PALM2AKAP2: variants seen among roughly 807,000 people sequenced by gnomAD.
The protein encoded by PALM2AKAP2 is PALM2 and AKAP2 fusion, also known as PALM2-AKAP2 fusion protein.
In PALM2AKAP2, 37 loss-of-function variants were observed where a neutral mutation model predicts 71.5. That is an observed-to-expected ratio of 0.52 (90% CI 0.40 to 0.68). The LOEUF (loss-of-function observed/expected upper bound fraction) is 0.68, where lower values mean the gene tolerates loss of function less well. PALM2AKAP2 is among the 30% of genes least tolerant of loss of function. The probability of loss-of-function intolerance (pLI) is 0.00; values close to 1 mark genes in which losing one functional copy is unlikely to be tolerated. For synonymous variants in PALM2AKAP2, 468 were observed against 478.8 expected, an observed-to-expected ratio of 0.98 and a Z score of 0.29; for missense variants, 1,224 against 1,191.8, an observed-to-expected ratio of 1.03 and a Z score of -0.40.
At position 110,049,909 on chromosome 9, in the gene PALM2AKAP2, C is replaced by T. The variant is rs1044393944; in HGVS notation, c.156+1054C>T. Among the ~76,000 whole-genome samples, 3 of 152,306 alleles carry T rather than the reference C, an allele frequency of 2.0e-5. No individual in the cohort carries two copies. The South Asian group carries it at 6.2e-4, about 32-fold the overall frequency. ...AACGCGGATGCCAGGCGCTCGCCAGCCTGAGGGATCCCTCCTGACCCACAA... is the reference window on the plus strand; with the variant it reads ...AACGCGGATGCCAGGCGCTCGCCAGTCTGAGGGATCCCTCCTGACCCACAA... On this transcript the variant is annotated intron_variant, in intron 1 of 3. Transcript: ENST00000374525.
At chr9:109,920,177 A>G (rs1033003958) in intron 3 of PALM2AKAP2, among the ~76,000 whole-genome samples, 1 of 152,184 alleles carries the variant, frequency 6.6e-6, no homozygotes, top group African/African-American at 2.4e-5. Context: ...CTTGTGTCTT[A>G]TCTGCTCACA....
chr9:109,941,773 T>G (rs34040295), intron 6 of PALM2AKAP2, among the ~76,000 whole-genome samples: 15,131 of 151,946 alleles, frequency 0.1, 923 homozygotes, highest in East Asian at 0.17. Flanking sequence ...CAGCAAGAGT[T>G]GGGATGAATT....
intron 1 of PALM2AKAP2, among the ~76,000 whole-genome samples, chr9:109,671,179 G>T (rs1006249765): frequency 6.6e-6 from 1 of 151,942 alleles, no homozygotes; most frequent in Non-Finnish European, 1.5e-5. Flanking sequence ...TAAAATCTTT[G>T]CCTGTGCCTA....
chr9:109,680,247 G>A (rs1487374920), intron 1 of PALM2AKAP2, among the ~76,000 whole-genome samples: 1 of 152,144 alleles, frequency 6.6e-6, no homozygotes, highest in East Asian at 1.9e-4. Flanking sequence ...TTCTCTGAAC[G>A]AAGCCCGGGC....
At chr9:109,786,120 A>T (rs1033710032) in intron 1 of PALM2AKAP2, among the ~76,000 whole-genome samples, 10 of 152,198 alleles carry the variant, frequency 6.6e-5, no homozygotes, top group African/African-American at 2.4e-4. Context: ...TTTTCGTTGG[A>T]TTCGCCTCTC....
intron 1 of PALM2AKAP2, among the ~76,000 whole-genome samples, chr9:109,837,582 G>A (rs1445525300): frequency 6.6e-6 from 1 of 152,038 alleles, no homozygotes; most frequent in Non-Finnish European, 1.5e-5. Context: ...ACACAGACTG[G>A]CAAATTAGAT....
chr9:109,702,581 G>A (rs931780030), intron 1 of PALM2AKAP2, among the ~76,000 whole-genome samples: 2 of 150,696 alleles, frequency 1.3e-5, no homozygotes, highest in Admixed American at 6.6e-5. Context: ...ATCACACACC[G>A]GGGCCTGTTG....
chr9:110,068,889 AG>A (rs1316409282), intron 1 of PALM2AKAP2, among the ~76,000 whole-genome samples: 1 of 152,226 alleles, frequency 6.6e-6, no homozygotes, highest in Non-Finnish European at 1.5e-5. Flanking sequence ...TGGGTTAACA[AG>A]GTGCCAGAGA....
At chr9:110,038,371 G>T (rs1177171877) in intron 7 of PALM2AKAP2, among the ~76,000 whole-genome samples, 1 of 151,212 alleles carries the variant, frequency 6.6e-6, no homozygotes, top group Non-Finnish European at 1.5e-5. Context: ...AAACAAAAAG[G>T]TCAGAGAGCA....
At chr9:110,096,404 C>T (rs1834837480) in intron 1 of PALM2AKAP2, among the ~76,000 whole-genome samples, 1 of 117,228 alleles carries the variant, frequency 8.5e-6, no homozygotes, top group African/African-American at 4.3e-5. Context: ...GCTGGGACTA[C>T]AGGAATGCAC....
At chr9:109,851,420 A>T (rs992530698) in intron 1 of PALM2AKAP2, among the ~76,000 whole-genome samples, 6 of 152,122 alleles carry the variant, frequency 3.9e-5, no homozygotes, top group Admixed American at 3.9e-4. Flanking sequence ...ACTGGATGAG[A>T]TGGGAAGCCA....
intron 3 of PALM2AKAP2, among the ~76,000 whole-genome samples, chr9:109,913,704 T>C (rs1830621924): frequency 6.6e-6 from 1 of 151,964 alleles, no homozygotes; most frequent in African/African-American, 2.4e-5. Flanking sequence ...TCCATGTGGA[T>C]GCAAGGAACA....
intron 1 of PALM2AKAP2, among the ~76,000 whole-genome samples, chr9:110,109,207 G>A (rs1304440426): frequency 2.0e-5 from 3 of 150,784 alleles, no homozygotes; most frequent in Non-Finnish European, 4.4e-5. Context: ...ATCCCAGCTA[G>A]TCAGAAGGCT....
intron 1 of PALM2AKAP2, among the ~76,000 whole-genome samples, chr9:109,684,935 G>A (rs1827786980): frequency 6.6e-6 from 1 of 151,932 alleles, no homozygotes; most frequent in African/African-American, 2.4e-5. Context: ...AGAAAACTGT[G>A]GCACATCCGT....
intron 6 of PALM2AKAP2, among the ~76,000 whole-genome samples, chr9:109,973,750 C>T (rs944599975): frequency 1.3e-5 from 2 of 152,336 alleles, no homozygotes; most frequent in East Asian, 3.9e-4. Flanking sequence ...TTATTATCCT[C>T]ATTTTACAGA....
At chr9:109,776,164 A>G (rs1347558861), upstream of PALM2AKAP2, among the ~76,000 whole-genome samples, 1 of 152,264 alleles carries the variant, frequency 6.6e-6, no homozygotes, top group Admixed American at 6.5e-5. Context: ...AAATAATTAT[A>G]CAATATGTTT....
intron 2 of PALM2AKAP2, among the ~76,000 whole-genome samples, chr9:110,140,549 TGCCC>T (rs1836002520): frequency 6.6e-6 from 1 of 152,262 alleles, no homozygotes; most frequent in African/African-American, 2.4e-5. Flanking sequence ...ACCATGAGTT[TGCCC>T]TGATGCTTTT....
chr9:109,942,694 G>A (rs370502463), intron 6 of PALM2AKAP2: 73 of 1,582,334 alleles, frequency 4.6e-5, no homozygotes, highest in Non-Finnish European at 6.0e-5. Context: ...AGCTGTGTAC[G>A]CCATGGAAAT....
At chr9:109,962,800 G>A (rs1831877481) in intron 6 of PALM2AKAP2, among the ~76,000 whole-genome samples, 2 of 152,168 alleles carry the variant, frequency 1.3e-5, no homozygotes, top group African/African-American at 4.8e-5. Flanking sequence ...ATGCGACCAA[G>A]CCTGGCCAAC....
Sources: allele counts gnomAD v4.1 joint callset (sites outside exome capture counted in the v4.1 genomes callset), GRCh38; gene constraint gnomAD v4.1.1; transcripts MANE v1.5; gene names NCBI Gene and HGNC (gene_info 2026-07-23, HGNC 2026-07-21).